Variants in PCSK5 observed in about 807,000 individuals in gnomAD.
PCSK5 encodes prohormone convertase 5.
PCSK5 carries 129 observed loss-of-function variants against 233.2 expected under a neutral mutation model. The ratio of observed to expected loss-of-function variants is 0.55; its 90% CI spans 0.48 to 0.64. The LOEUF is 0.64. Among genes scored for constraint, PCSK5 ranks in the 30% least tolerant of loss-of-function variants. The pLI is 0.00. For synonymous variants in PCSK5, 825 were observed against 879.2 expected (o/e 0.94, Z 1.09); for missense variants, 2,076 against 2,430.1 (o/e 0.85, Z 3.06).
At chr9:76,240,018 G>A (rs1456441259) in intron 23 of PCSK5, among the ~76,000 whole-genome samples, 2 of 152,036 alleles carry the variant, frequency 1.3e-5, no homozygotes, top group East Asian at 3.9e-4. Context: ...TATTGTTATT[G>A]CCCAGTTTCT....
chr9:76,153,647 G>A (rs1049987611), intron 10 of PCSK5, among the ~76,000 whole-genome samples: 1 of 152,216 alleles, frequency 6.6e-6, no homozygotes, highest in African/African-American at 2.4e-5. Flanking sequence ...ATTGTAAAAT[G>A]TGAATATTGG....
At chr9:76,246,902 G>A (rs530584536) in intron 24 of PCSK5, among the ~76,000 whole-genome samples, 4 of 152,328 alleles carry the variant, frequency 2.6e-5, no homozygotes, top group Admixed American at 6.5e-5. Context: ...CCAAAATGGC[G>A]GCAGGCCGCT....
chr9:75,897,282 G>A (rs1319792534), intron 1 of PCSK5, among the ~76,000 whole-genome samples: 3 of 151,918 alleles, frequency 2.0e-5, no homozygotes, highest in Non-Finnish European at 4.4e-5. Context: ...ATATAATGGG[G>A]GCTGAAAGGA....
intron 14 of PCSK5, among the ~76,000 whole-genome samples, chr9:76,176,979 A>G (rs543465362): frequency 5.5e-4 from 83 of 152,274 alleles, no homozygotes; most frequent in Non-Finnish European, 9.8e-4. Flanking sequence ...ATAATGGACA[A>G]AGCTTCTCCT....
At chr9:76,136,191 A>G (rs1822968940) in intron 10 of PCSK5, among the ~76,000 whole-genome samples, 1 of 151,800 alleles carries the variant, frequency 6.6e-6, no homozygotes. Flanking sequence ...CGAGTCCCGT[A>G]TTTCATCTAA....
intron 27 of PCSK5, 70 bp from the exon 28 acceptor site, chr9:76,302,067 G>A (rs2131424872): frequency 1.5e-6 from 1 of 668,542 alleles, no homozygotes; most frequent in Middle Eastern, 5.4e-4. Context: ...TGGGTTTATA[G>A]GTGAAGTTTA....
At chr9:76,113,702 A>C (rs899038918) in intron 9 of PCSK5, among the ~76,000 whole-genome samples, 31 of 152,150 alleles carry the variant, frequency 2.0e-4, no homozygotes, top group Admixed American at 7.2e-4. Context: ...GGATAGACAT[A>C]AACATTTCTT....
intron 12 of PCSK5, among the ~76,000 whole-genome samples, chr9:76,159,628 C>G (rs1822760692): frequency 1.3e-5 from 2 of 152,160 alleles, no homozygotes; most frequent in Admixed American, 1.3e-4. Context: ...ATGTGTTGAG[C>G]TGTGTAAGCC....
intron 20 of PCSK5, among the ~76,000 whole-genome samples, chr9:76,198,018 C>T (rs1824768826): frequency 6.6e-6 from 1 of 152,222 alleles, no homozygotes; most frequent in South Asian, 2.1e-4. Flanking sequence ...ATCCTGTCTC[C>T]TCTTCATCAC....
chr9:76,207,380 G>A (rs1423788154), intron 20 of PCSK5, among the ~76,000 whole-genome samples: 2 of 152,174 alleles, frequency 1.3e-5, no homozygotes, highest in African/African-American at 2.4e-5. Flanking sequence ...GTCCTCATGA[G>A]AACATTACCA....
At chr9:76,332,257 C>A (rs1829557516) in intron 33 of PCSK5, among the ~76,000 whole-genome samples, 176 bp from the exon 34 acceptor site, 1 of 152,164 alleles carries the variant, frequency 6.6e-6, no homozygotes, top group Non-Finnish European at 1.5e-5. Flanking sequence ...GGCCTTAGGG[C>A]AATTCTGTTT....
At chr9:76,094,730 C>T (rs1831435715) in intron 7 of PCSK5, among the ~76,000 whole-genome samples, 1 of 152,150 alleles carries the variant, frequency 6.6e-6, no homozygotes. Context: ...GTGCCTCAGC[C>T]TCCCGAGTAG....
chr9:75,995,693 A>C (rs1826985288), intron 3 of PCSK5, among the ~76,000 whole-genome samples: 1 of 150,996 alleles, frequency 6.6e-6, no homozygotes. Flanking sequence ...ATGGAGGTCC[A>C]ATCTGTTAGT....
At chr9:76,258,016 A>C (rs112946672) in intron 24 of PCSK5, among the ~76,000 whole-genome samples, 1,768 of 152,280 alleles carry the variant, frequency 0.012, 21 homozygotes, top group Middle Eastern at 0.034. Flanking sequence ...CAGGTAACCC[A>C]AGGATGTCTA....
At chr9:75,931,597 G>A (rs544495002) in intron 1 of PCSK5, among the ~76,000 whole-genome samples, 43 of 152,294 alleles carry the variant, frequency 2.8e-4, no homozygotes, top group African/African-American at 1.0e-3. Context: ...AATTTGCTGA[G>A]AAAATATGGT....
intron 3 of PCSK5, among the ~76,000 whole-genome samples, chr9:76,005,491 G>A (rs1827438356): frequency 6.6e-6 from 1 of 151,950 alleles, no homozygotes; most frequent in African/African-American, 2.4e-5. Context: ...ATCTGTTCTT[G>A]GAAATCACTA....
chr9:75,980,212 G>C lies in PCSK5; in HGVS notation c.298-5920G>C, dbSNP rs1042677328. On this transcript the variant is annotated intron_variant, in intron 2 of 37. Transcript: ENST00000674117. ...AATGTAATTAGAACAATAACACTAT[G>C]AGTTTTTCTATAAACAAAATATAGC... Among the ~76,000 whole-genome samples the C allele has an allele frequency of 5.3e-5, 8 of 152,168 alleles. No individual in the cohort carries two copies. The South Asian group carries it at 1.7e-3, about 31-fold the overall frequency.
At chr9:76,237,737 T>C (rs1826296189) in intron 22 of PCSK5, among the ~76,000 whole-genome samples, 1 of 152,164 alleles carries the variant, frequency 6.6e-6, no homozygotes, top group South Asian at 2.1e-4. Flanking sequence ...ATCATGCCAC[T>C]GCATTCCAGC....
At chr9:76,040,395 C>CTCTG (rs774103438) in intron 5 of PCSK5, among the ~76,000 whole-genome samples, 2,840 of 110,994 alleles carry the variant, frequency 0.026, 70 homozygotes, top group East Asian at 0.07. Flanking sequence ...GTCTCTCTCT[C>CTCTG]TCTCTCTCTC....
Sources: gnomAD v4.1 joint callset for allele counts (sites outside exome capture counted in the v4.1 genomes callset) on GRCh38, gnomAD v4.1.1 for gene constraint, MANE v1.5 for transcripts, NCBI Gene and HGNC (gene_info 2026-07-23, HGNC 2026-07-21) for gene names.